CTNNA3: variants seen among roughly 807,000 people sequenced by gnomAD.
CTNNA3 encodes catenin alpha 3, also known as catenin alpha-3.
CTNNA3 carries 76 observed loss-of-function variants against 95.7 expected under a neutral mutation model. The observed-to-expected ratio is 0.79, with a 90% CI of 0.66 to 0.96. The LOEUF (loss-of-function observed/expected upper bound fraction) is 0.96, where lower values mean the gene tolerates loss of function less well. CTNNA3 is among the 40% of genes least tolerant of loss of function. CTNNA3 has a pLI of 0.00. For synonymous variants in CTNNA3, 431 were observed against 374.4 expected, an observed-to-expected ratio of 1.15 and a Z score of -1.74; for missense variants, 1,191 against 1,089.8, an observed-to-expected ratio of 1.09 and a Z score of -1.31.
chr10:66,329,347 C>A lies in CTNNA3; in HGVS notation c.1733-48726G>T, dbSNP rs375381227. Among the ~76,000 whole-genome samples, 69 of 151,996 alleles carry A rather than the reference C, an allele frequency of 4.5e-4. 1 individual carries two copies. In the South Asian group the frequency reaches 0.014, roughly 31 times the overall value. ...TCACTTTGGCAGGGGTGATTGTGGG[C>A]CTTGCAATCTACTATACTGAGTCAC... On this transcript the variant is annotated intron_variant, in intron 12 of 17. Transcript: ENST00000433211.
At chr10:66,725,666 C>T (rs1032030741) in intron 9 of CTNNA3, among the ~76,000 whole-genome samples, 3 of 152,024 alleles carry the variant, frequency 2.0e-5, no homozygotes, top group African/African-American at 7.2e-5. Flanking sequence ...TTCACCATGG[C>T]AGATATGAAG....
intron 3 of CTNNA3, among the ~76,000 whole-genome samples, chr10:67,554,702 G>A (rs1009888182): frequency 3.3e-5 from 5 of 152,050 alleles, no homozygotes; most frequent in African/African-American, 9.7e-5. Flanking sequence ...CATTCTATAC[G>A]TTGCCTGTTC....
At chr10:67,469,148 T>G (rs114144743) in intron 5 of CTNNA3, among the ~76,000 whole-genome samples, 10,905 of 152,218 alleles carry the variant, frequency 0.072, 490 homozygotes, top group South Asian at 0.14. Flanking sequence ...TCTGTTCACT[T>G]AAAGCTTTAA....
intron 17 of CTNNA3, among the ~76,000 whole-genome samples, chr10:65,945,375 G>A (rs896556792): frequency 1.3e-5 from 2 of 152,112 alleles, no homozygotes; most frequent in Non-Finnish European, 2.9e-5. Flanking sequence ...AAATGCCTTA[G>A]GATAATGTCC....
chr10:66,461,367 A>G (rs1440797325), intron 11 of CTNNA3, among the ~76,000 whole-genome samples: 1 of 152,188 alleles, frequency 6.6e-6, no homozygotes, highest in African/African-American at 2.4e-5. Context: ...TACATGCAGC[A>G]TATTATTTTA....
chr10:66,631,895 G>T (rs1345673758), intron 9 of CTNNA3, among the ~76,000 whole-genome samples: 2 of 151,960 alleles, frequency 1.3e-5, no homozygotes, highest in Non-Finnish European at 2.9e-5. Flanking sequence ...ACTTCTTCAT[G>T]CAGAATGAAT....
chr10:66,267,073 G>A (rs1361540659), intron 13 of CTNNA3, among the ~76,000 whole-genome samples: 2 of 151,964 alleles, frequency 1.3e-5, no homozygotes, highest in South Asian at 4.2e-4. Flanking sequence ...CTTAAGGCAG[G>A]TGACTGAGGA....
At chr10:67,503,153 T>C (rs1023996989) in intron 5 of CTNNA3, among the ~76,000 whole-genome samples, 4 of 152,172 alleles carry the variant, frequency 2.6e-5, no homozygotes, top group African/African-American at 9.7e-5. Flanking sequence ...GGGAAAAGCA[T>C]AGTGTCTGGG....
At chr10:67,686,353 T>A (rs1840730826) in intron 1 of CTNNA3, among the ~76,000 whole-genome samples, 10 of 152,178 alleles carry the variant, frequency 6.6e-5, no homozygotes, top group Admixed American at 6.5e-4. Flanking sequence ...GGTATATAGG[T>A]TAAGGTCAGG....
intron 7 of CTNNA3, among the ~76,000 whole-genome samples, chr10:66,913,279 G>GAAATGAGTA (rs1360647538): frequency 1.1e-5 from 1 of 93,810 alleles, no homozygotes; most frequent in African/African-American, 3.9e-5. Context: ...AAAGAAAAAA[G>GAAATGAGTA]AAATGAGTAC....
intron 13 of CTNNA3, among the ~76,000 whole-genome samples, chr10:66,205,254 G>A (rs1324240879): frequency 1.3e-5 from 2 of 151,780 alleles, no homozygotes; most frequent in African/African-American, 4.8e-5. Context: ...GACTTTAATT[G>A]AAACAATGTA....
At chr10:67,440,138 G>C (rs1417159463) in intron 5 of CTNNA3, among the ~76,000 whole-genome samples, 1 of 152,116 alleles carries the variant, frequency 6.6e-6, no homozygotes, top group Non-Finnish European at 1.5e-5. Context: ...GCCTGGCAGC[G>C]TTCACCACAA....
At chr10:66,654,366 TAACC>T (rs1407465517) in intron 9 of CTNNA3, among the ~76,000 whole-genome samples, 3 of 152,044 alleles carry the variant, frequency 2.0e-5, no homozygotes, top group Non-Finnish European at 1.5e-5. Flanking sequence ...TCAACTTCAC[TAACC>T]ATTAAGGAAA....
intron 9 of CTNNA3, among the ~76,000 whole-genome samples, chr10:66,685,325 G>GTA (rs1564617459): frequency 0.054 from 1,602 of 29,846 alleles, 37 homozygotes; most frequent in Middle Eastern, 0.091. Context: ...GTGTATGTGT[G>GTA]TATATATATA....
At chr10:67,751,077 A>G in intron 1 of CTNNA3, 1 of 1,450,746 alleles carries the variant, frequency 6.9e-7, no homozygotes, top group Non-Finnish European at 9.7e-7. Flanking sequence ...CAAGTCTGTG[A>G]CACCAGCACG....
intron 7 of CTNNA3, among the ~76,000 whole-genome samples, chr10:66,876,817 C>G (rs1284062450): frequency 6.6e-6 from 1 of 151,946 alleles, no homozygotes; most frequent in Non-Finnish European, 1.5e-5. Context: ...AGAGAAGTCC[C>G]CAGGCACAGA....
intron 14 of CTNNA3, among the ~76,000 whole-genome samples, 181 bp downstream of exon 14, chr10:66,102,976 T>C (rs376285665): frequency 6.6e-6 from 1 of 152,154 alleles, no homozygotes; most frequent in Admixed American, 6.5e-5. Flanking sequence ...GCTCTCAAGA[T>C]AGAGGAAAAT....
intron 5 of CTNNA3, among the ~76,000 whole-genome samples, chr10:67,393,669 AT>A (rs1295267288): frequency 6.6e-6 from 1 of 152,140 alleles, no homozygotes; most frequent in Non-Finnish European, 1.5e-5. Flanking sequence ...TCAAGTGATA[AT>A]GCAATAATGA....
rs114772914 is a variant in CTNNA3 at position 66,650,432 on chromosome 10, G to T, written c.1282-28648C>A. Among the ~76,000 whole-genome samples, 952 of 152,208 alleles carry T rather than the reference G, an allele frequency of 6.3e-3. 15 individuals are homozygous for T. The highest frequency in any genetic ancestry group is 0.021 in the African/African-American group (874 of 41,540). ...GCTCTTTAACAACCAACGAATCAAA[G>T]AAGAAAGTAAAAGAGAAATTAAAAA... On this transcript the variant is annotated intron_variant, in intron 9 of 17. Transcript: ENST00000433211.
Sources: allele counts gnomAD v4.1 joint callset (sites outside exome capture counted in the v4.1 genomes callset), GRCh38; gene constraint gnomAD v4.1.1; transcripts MANE v1.5; gene names NCBI Gene and HGNC (gene_info 2026-07-23, HGNC 2026-07-21).